Variants in GCLC observed in about 807,000 individuals in gnomAD.
The protein encoded by GCLC is glutamate-cysteine ligase catalytic subunit.
GCLC carries 30 observed loss-of-function variants against 81.5 expected under a neutral mutation model. The observed-to-expected ratio is 0.37, with a 90% CI of 0.28 to 0.50. The LOEUF is 0.50. Ranked by LOEUF, GCLC falls within the 20% of genes least tolerant of loss-of-function variation. GCLC has a pLI of 0.96. For synonymous variants in GCLC, 262 were observed against 273.3 expected (o/e 0.96, Z 0.41); for missense variants, 556 against 777.4 (o/e 0.72, Z 3.39).
intron 1 of GCLC, among the ~76,000 whole-genome samples, chr6:53,531,931 A>G (rs1377415613): frequency 6.6e-6 from 1 of 152,212 alleles, no homozygotes; most frequent in Non-Finnish European, 1.5e-5. Flanking sequence ...TTCCAGTTCT[A>G]AACTACTGTT....
intron 12 of GCLC, chr6:53,501,346 C>A (rs17881082): frequency 0.018 from 2,670 of 152,420 alleles, 35 homozygotes; most frequent in Middle Eastern, 0.044. Flanking sequence ...AAGGTTACAG[C>A]CCTCCCAAGG....
At chr6:53,542,714 A>C (rs1581753424) in intron 1 of GCLC, among the ~76,000 whole-genome samples, 1 of 152,294 alleles carries the variant, frequency 6.6e-6, no homozygotes, top group Non-Finnish European at 1.5e-5. Flanking sequence ...AGACCTAGTT[A>C]AATGTCAAAA....
chr6:53,539,047 C>T (rs1221510848), intron 1 of GCLC, among the ~76,000 whole-genome samples: 1 of 152,198 alleles, frequency 6.6e-6, no homozygotes, highest in Non-Finnish European at 1.5e-5. Flanking sequence ...AGGCAGCTAA[C>T]ACTGGAGTCA....
At chr6:53,505,158 G>A in intron 12 of GCLC, 1 of 477,916 alleles carries the variant, frequency 2.1e-6, no homozygotes, top group Non-Finnish European at 3.8e-6. Flanking sequence ...GGATTTTGTG[G>A]TGGATGAAAT....
At chr6:53,525,487 A>G (rs905627859) in intron 1 of GCLC, among the ~76,000 whole-genome samples, 7 of 152,368 alleles carry the variant, frequency 4.6e-5, no homozygotes, top group Admixed American at 3.9e-4. Context: ...TCCCCATTCT[A>G]AACTTCATTT....
At chr6:53,509,102 T>C in intron 7 of GCLC, 74 bp downstream of exon 7, 1 of 904,782 alleles carries the variant, frequency 1.1e-6, no homozygotes, top group Non-Finnish European at 1.8e-6. Context: ...AATAGCACAC[T>C]GTCAGTAAAT....
intron 1 of GCLC, among the ~76,000 whole-genome samples, chr6:53,524,874 G>A (rs1295830998): frequency 6.6e-6 from 1 of 152,096 alleles, no homozygotes. Context: ...TTCACTCTTA[G>A]CCCACAAGTT....
At chr6:53,534,181 G>C (rs938032517) in intron 1 of GCLC, among the ~76,000 whole-genome samples, 9 of 152,190 alleles carry the variant, frequency 5.9e-5, no homozygotes, top group Non-Finnish European at 1.3e-4. Context: ...TTAATAAAAT[G>C]TATGTCGACT....
chr6:53,519,746 G>A (rs1401040515), intron 3 of GCLC, among the ~76,000 whole-genome samples: 1 of 152,118 alleles, frequency 6.6e-6, no homozygotes, highest in Non-Finnish European at 1.5e-5. Context: ...TTTTCCTTCT[G>A]GGGGTGGAGA....
intron 8 of GCLC, 130 bp downstream of exon 8, chr6:53,508,465 A>G (rs1764663409): frequency 4.0e-6 from 3 of 759,308 alleles, no homozygotes; most frequent in East Asian, 2.5e-5. Context: ...TTAACTCCCC[A>G]CCTAGACCAA....
chr6:53,535,934 C>G (rs891202082), intron 1 of GCLC, among the ~76,000 whole-genome samples: 1 of 152,176 alleles, frequency 6.6e-6, no homozygotes, highest in African/African-American at 2.4e-5. Flanking sequence ...TAACAACACG[C>G]TACTCCTAGG....
At chr6:53,516,081 C>G (rs1223528396) in intron 4 of GCLC, 28 bp downstream of exon 4, 1 of 1,277,246 alleles carries the variant, frequency 7.8e-7, no homozygotes, top group Non-Finnish European at 1.1e-6. Flanking sequence ...TGAAGGGCAT[C>G]TGCATTTCAA....
rs181768462 is a variant in GCLC at position 53,506,157 on chromosome 6, C to A, written c.1198-262G>T. The A allele has an allele frequency of 2.1e-4, 88 of 420,254 alleles. 2 individuals carry two copies. The highest frequency in any genetic ancestry group is 1.8e-3 in the South Asian group (86 of 47,074). The allele number at this position is 420,254 out of a possible 1,614,324, so 26.0% of individuals were successfully genotyped here. ...GCTCCTACTCCCTATCTCCCAGCTA[C>A]AGAGCAGCATCTGAAGAGCCACGGG... On this transcript the variant is annotated intron_variant, in intron 10 of 15. Transcript: ENST00000650454. This position sits in a 1 kb window ranked among gnomAD's most constrained non-coding sequence, Gnocchi z 4.0.
intron 1 of GCLC, among the ~76,000 whole-genome samples, chr6:53,534,782 C>T (rs867311235): frequency 2.0e-5 from 3 of 152,064 alleles, no homozygotes; most frequent in Non-Finnish European, 2.9e-5. Flanking sequence ...GACCTATACA[C>T]GAAAAACTAC....
intron 1 of GCLC, among the ~76,000 whole-genome samples, chr6:53,535,332 T>A (rs1193957009): frequency 6.6e-6 from 1 of 152,196 alleles, no homozygotes; most frequent in Non-Finnish European, 1.5e-5. Context: ...CTGGCCAACA[T>A]GGCGAAACCT....
chr6:53,514,726 T>C (rs1764832608), intron 4 of GCLC, among the ~76,000 whole-genome samples: 1 of 152,190 alleles, frequency 6.6e-6, no homozygotes, highest in Admixed American at 6.5e-5. Context: ...TGCCGTTCTG[T>C]CTCCTGCTCA....
At position 53,497,882 on chromosome 6, in the gene GCLC, G is replaced by C. The variant is rs1189494141; in HGVS notation, c.*874C>G. ...CTAAAAACTAAAGAGTGACAAAACTGTATACAGCAGCAATCAGAATAACAG... is the reference window on the plus strand; with the variant it reads ...CTAAAAACTAAAGAGTGACAAAACTCTATACAGCAGCAATCAGAATAACAG... On this transcript the variant is annotated 3_prime_UTR_variant, in exon 16 of 16. Transcript: ENST00000650454. 6.6e-6 allele frequency: 1 copy of C among 152,410 alleles called. No individual in the cohort carries two copies. The highest frequency in any genetic ancestry group is 1.5e-5 in the Non-Finnish European group (1 of 68,010). The allele number at this position is 152,410 out of a possible 1,614,324, so 9.4% of individuals were successfully genotyped here.
chr6:53,531,107 G>C (rs1432147542), intron 1 of GCLC, among the ~76,000 whole-genome samples: 3 of 152,174 alleles, frequency 2.0e-5, no homozygotes, highest in Non-Finnish European at 2.9e-5. Flanking sequence ...CATGTAAAGT[G>C]CTAAAACAGT....
chr6:53,532,164 T>A (rs1763182162), intron 1 of GCLC, among the ~76,000 whole-genome samples: 1 of 152,268 alleles, frequency 6.6e-6, no homozygotes, highest in Non-Finnish European at 1.5e-5. Flanking sequence ...ATACTTTCAC[T>A]TTTTATTAGG....
Sources: allele counts gnomAD v4.1 joint callset (sites outside exome capture counted in the v4.1 genomes callset), GRCh38; gene constraint gnomAD v4.1.1; non-coding constraint Gnocchi (gnomAD v3.1); transcripts MANE v1.5; gene names NCBI Gene and HGNC (gene_info 2026-07-23, HGNC 2026-07-21).